TBC1D5: variants seen among roughly 807,000 people sequenced by gnomAD.
The protein encoded by TBC1D5 is TBC1 domain family member 5.
A neutral mutation model predicts 100.3 loss-of-function variants in TBC1D5; 75 were observed. That is an observed-to-expected ratio of 0.75 (90% CI 0.62 to 0.91). The LOEUF is 0.91. Ranked by LOEUF, TBC1D5 falls within the 40% of genes least tolerant of loss-of-function variation. The pLI is 0.00. For synonymous variants in TBC1D5, 323 were observed against 325.6 expected, an observed-to-expected ratio of 0.99 and a Z score of 0.09; for missense variants, 910 against 942.4, an observed-to-expected ratio of 0.97 and a Z score of 0.45.
intron 2 of TBC1D5, among the ~76,000 whole-genome samples, chr3:17,596,628 T>G (rs1363360542): frequency 7.6e-5 from 11 of 144,760 alleles, no homozygotes; most frequent in African/African-American, 1.0e-4. Context: ...GATAATGGCT[T>G]GAACCCAGGA....
chr3:17,661,808 TAA>T (rs1409087765), intron 1 of TBC1D5, among the ~76,000 whole-genome samples: 1 of 152,184 alleles, frequency 6.6e-6, no homozygotes. Flanking sequence ...AGCATCTTCT[TAA>T]AAGTGTTTTT....
intron 13 of TBC1D5, among the ~76,000 whole-genome samples, chr3:17,320,744 C>T (rs554575551): frequency 7.9e-5 from 12 of 152,244 alleles, no homozygotes; most frequent in African/African-American, 2.4e-4. Context: ...CTAGTTAGTT[C>T]TCAAAACTGT....
chr3:17,408,782 T>C (rs1234661593), intron 4 of TBC1D5, among the ~76,000 whole-genome samples: 2 of 152,162 alleles, frequency 1.3e-5, no homozygotes, highest in African/African-American at 4.8e-5. Context: ...GCTTTTTAAA[T>C]TTGTGTATAA....
At chr3:17,580,107 A>G (rs1243465674) in intron 2 of TBC1D5, among the ~76,000 whole-genome samples, 1 of 152,162 alleles carries the variant, frequency 6.6e-6, no homozygotes, top group Admixed American at 6.6e-5. Flanking sequence ...AGTGAATTTG[A>G]ACCATAAACT....
intron 1 of TBC1D5, among the ~76,000 whole-genome samples, chr3:17,729,354 A>G (rs78777347): frequency 2.9e-5 from 3 of 102,550 alleles, no homozygotes; most frequent in African/African-American, 8.5e-5. Context: ...AATTTGAGAG[A>G]AAAAAAAAAA....
chr3:17,567,306 C>T (rs1026150813), intron 2 of TBC1D5, among the ~76,000 whole-genome samples: 16 of 151,590 alleles, frequency 1.1e-4, no homozygotes, highest in African/African-American at 3.9e-4. Flanking sequence ...TAAAGCAGAC[C>T]ACTCACTAAT....
chr3:17,199,235 G>A (rs527965160), intron 18 of TBC1D5, among the ~76,000 whole-genome samples: 1 of 152,298 alleles, frequency 6.6e-6, no homozygotes, highest in South Asian at 2.1e-4. Flanking sequence ...AGAGGACTGA[G>A]GATGTATGAC....
chr3:17,367,085 GC>G (rs2092187454), intron 13 of TBC1D5, among the ~76,000 whole-genome samples: 1 of 152,084 alleles, frequency 6.6e-6, no homozygotes, highest in African/African-American at 2.4e-5. Flanking sequence ...TCCCACAGAT[GC>G]CTATTATGTA....
chr3:17,254,769 G>GGT (rs1179596843), intron 16 of TBC1D5, among the ~76,000 whole-genome samples: 13 of 104,052 alleles, frequency 1.2e-4, no homozygotes, highest in Non-Finnish European at 2.0e-4. Flanking sequence ...GCGGGGGTGG[G>GGT]GGGGGGGTCC....
chr3:17,519,412 C>T (rs1050541338), intron 2 of TBC1D5, among the ~76,000 whole-genome samples: 2 of 152,194 alleles, frequency 1.3e-5, no homozygotes, highest in Non-Finnish European at 1.5e-5. Context: ...CTGTTCTTAC[C>T]TTCTTCGCCT....
chr3:17,514,473 A>G, intron 2 of TBC1D5, among the ~76,000 whole-genome samples: 1 of 152,196 alleles, frequency 6.6e-6, no homozygotes, highest in East Asian at 1.9e-4. Context: ...GTCAACATAT[A>G]AGAACAATGA....
chr3:17,497,403 C>A (rs1359883562), intron 3 of TBC1D5, among the ~76,000 whole-genome samples: 1 of 152,192 alleles, frequency 6.6e-6, no homozygotes, highest in African/African-American at 2.4e-5. Context: ...ATATTCTATT[C>A]CCAGATACTG....
chr3:17,374,623 A>G lies in TBC1D5; in HGVS notation c.752+6T>C. On this transcript the variant is annotated splice_donor_region_variant and intron_variant, in intron 11 of 21. Coordinates refer to ENST00000253692, the Ensembl canonical transcript of TBC1D5. ...AAAATAAAACAAAGAAAGTTTTTGT[A>G]CTTACTAGGCATCATGTTCCAGATA... 1 of 1,611,242 alleles carries G rather than the reference A, an allele frequency of 6.2e-7. No homozygotes were observed. Among genetic ancestry groups the G allele is most frequent in the Non-Finnish European group, 8.5e-7 (1 of 1,179,152 alleles).
intron 16 of TBC1D5, among the ~76,000 whole-genome samples, chr3:17,258,066 A>G (rs2077891583): frequency 6.6e-6 from 1 of 152,152 alleles, no homozygotes; most frequent in African/African-American, 2.4e-5. Flanking sequence ...TATGTATGCA[A>G]TCACAAATGT....
intron 15 of TBC1D5, among the ~76,000 whole-genome samples, chr3:17,286,277 T>C (rs576594573): frequency 6.6e-6 from 1 of 152,326 alleles, no homozygotes; most frequent in Admixed American, 6.5e-5. Context: ...AAACAATAGT[T>C]TTAAACCTTT....
intron 1 of TBC1D5, among the ~76,000 whole-genome samples, chr3:17,631,246 A>C (rs543123132): frequency 3.3e-5 from 5 of 152,196 alleles, no homozygotes; most frequent in Admixed American, 6.5e-5. Flanking sequence ...CCCTTAAACC[A>C]AAGTCTAATC....
chr3:17,295,438 GC>G (rs1231063702), intron 14 of TBC1D5, among the ~76,000 whole-genome samples: 1 of 152,172 alleles, frequency 6.6e-6, no homozygotes, highest in East Asian at 1.9e-4. Context: ...TCCATATGAG[GC>G]AGAGCTGACT....
At chr3:17,511,448 CATAA>C (rs1360524276) in intron 2 of TBC1D5, among the ~76,000 whole-genome samples, 3 of 151,986 alleles carry the variant, frequency 2.0e-5, no homozygotes, top group African/African-American at 4.8e-5. Flanking sequence ...ACCTAAAATA[CATAA>C]ATAAATGACT....
At chr3:17,170,488 C>T (rs1358074028) in intron 19 of TBC1D5, among the ~76,000 whole-genome samples, 1 of 152,196 alleles carries the variant, frequency 6.6e-6, no homozygotes, top group African/African-American at 2.4e-5. Flanking sequence ...CTCTTTTGCT[C>T]TCCTAACTAG....
Sources: allele counts gnomAD v4.1 joint callset (sites outside exome capture counted in the v4.1 genomes callset), GRCh38; gene constraint gnomAD v4.1.1; transcripts MANE v1.5; gene names NCBI Gene and HGNC (gene_info 2026-07-23, HGNC 2026-07-21).